RPA3: variants seen among roughly 807,000 people sequenced by gnomAD.
RPA3 encodes replication protein A 14 kDa subunit.
Under a neutral mutation model 13.7 loss-of-function variants are expected in RPA3, and 24 were observed. The observed-to-expected ratio is 1.75, with a 90% CI of 1.27 to 2.46. The LOEUF is 2.46. Ranked by LOEUF, RPA3 falls within the 30% of genes most tolerant of loss-of-function variation. The probability of loss-of-function intolerance (pLI) is 0.00; values close to 1 mark genes in which losing one functional copy is unlikely to be tolerated. For synonymous variants in RPA3, 59 were observed against 51.2 expected (o/e 1.15, Z -0.65); for missense variants, 183 against 151.0 (o/e 1.21, Z -1.11).
chr7:7,666,474 CT>C (rs1163756355), intron 4 of RPA3, among the ~76,000 whole-genome samples: 1 of 151,992 alleles, frequency 6.6e-6, no homozygotes. Flanking sequence ...TCCCAAAGTA[CT>C]GGAATTACAG....
At chr7:7,698,982 G>C (rs1366963182) in intron 2 of RPA3, among the ~76,000 whole-genome samples, 2 of 149,294 alleles carry the variant, frequency 1.3e-5, no homozygotes, top group African/African-American at 5.0e-5. Flanking sequence ...AGCCCCCCAA[G>C]TATCTGGGAC....
chr7:7,662,504 A>G (rs1479487001), intron 4 of RPA3, among the ~76,000 whole-genome samples: 2 of 152,198 alleles, frequency 1.3e-5, no homozygotes, highest in African/African-American at 4.8e-5. Flanking sequence ...AAAGCGTAGT[A>G]TCCGGACCGG....
chr7:7,640,622 G>A lies in RPA3; in HGVS notation c.-204C>T. Reference sequence around the variant, plus strand: ...AAGGGGCTGGATGAGTCCGGAAGTGGAGATTGGCTGCTTAGTGACGCGCGG... The same window carrying A: ...AAGGGGCTGGATGAGTCCGGAAGTGAAGATTGGCTGCTTAGTGACGCGCGG... On this transcript the variant is annotated 5_prime_UTR_variant, in exon 5 of 8. Coordinates refer to ENST00000223129, the MANE Select transcript of RPA3 (RefSeq NM_002947.5). 1 of 574,358 alleles carries A rather than the reference G, an allele frequency of 1.7e-6. No homozygotes were observed. Among genetic ancestry groups the A allele is most frequent in the South Asian group, 2.1e-5 (1 of 47,108 alleles). 35.6% of individuals were successfully genotyped at this position (574,358 alleles called of 1,614,324 possible).
At chr7:7,683,945 T>C (rs543861762) in intron 4 of RPA3, among the ~76,000 whole-genome samples, 66 of 152,292 alleles carry the variant, frequency 4.3e-4, no homozygotes, top group Non-Finnish European at 9.1e-4. Context: ...CTATGAGTAA[T>C]ATACAGTTTT....
intron 4 of RPA3, among the ~76,000 whole-genome samples, chr7:7,675,182 A>G (rs961012797): frequency 1.3e-5 from 2 of 152,154 alleles, no homozygotes; most frequent in African/African-American, 4.8e-5. Context: ...TGTTGTCTTT[A>G]TGATTAGAAA....
chr7:7,676,147 C>G (rs949527359), intron 4 of RPA3: 1 of 398,514 alleles, frequency 2.5e-6, no homozygotes, highest in African/African-American at 2.1e-5. Flanking sequence ...AAAGTGCTGA[C>G]CCTGGGTCAG....
intron 4 of RPA3, among the ~76,000 whole-genome samples, chr7:7,655,713 G>A (rs1403551340): frequency 1.3e-5 from 2 of 152,148 alleles, no homozygotes; most frequent in Non-Finnish European, 2.9e-5. Context: ...TTTAGGGGAC[G>A]AATGAAAAGA....
At chr7:7,703,046 A>C (rs1780502220) in intron 2 of RPA3, among the ~76,000 whole-genome samples, 1 of 152,222 alleles carries the variant, frequency 6.6e-6, no homozygotes, top group Non-Finnish European at 1.5e-5. Flanking sequence ...CTAGTCTTCT[A>C]GTTAGTACTA....
At chr7:7,704,761 C>A (rs2115160339) in intron 2 of RPA3, among the ~76,000 whole-genome samples, 1 of 76,394 alleles carries the variant, frequency 1.3e-5, no homozygotes, top group Non-Finnish European at 2.3e-5. Context: ...AGCGAGACTC[C>A]ATCTCAAAAA....
chr7:7,655,623 G>A (rs1317079176), intron 4 of RPA3, among the ~76,000 whole-genome samples: 1 of 152,014 alleles, frequency 6.6e-6, no homozygotes, highest in Admixed American at 6.5e-5. Flanking sequence ...CATCTATAAG[G>A]TTATATTAGA....
intron 4 of RPA3, among the ~76,000 whole-genome samples, chr7:7,660,293 C>G (rs1052508407): frequency 6.6e-6 from 1 of 152,128 alleles, no homozygotes; most frequent in Non-Finnish European, 1.5e-5. Context: ...GGCATTTAGC[C>G]CATTTACATT....
intron 2 of RPA3, among the ~76,000 whole-genome samples, chr7:7,707,983 G>A (rs1438757869): frequency 6.6e-6 from 1 of 152,146 alleles, no homozygotes; most frequent in Non-Finnish European, 1.5e-5. Flanking sequence ...TCCTTTAGTT[G>A]TCACTTTTTT....
At position 7,637,860 on chromosome 7, in the gene RPA3, T is replaced by C; in HGVS notation, c.283+4A>G. 1 of 1,609,060 alleles carries C rather than the reference T, an allele frequency of 6.2e-7. No individual in the cohort carries two copies. The highest frequency in any genetic ancestry group is 8.5e-7 in the Non-Finnish European group (1 of 1,176,206). The stretch of plus-strand genomic sequence containing the variant: ...ACCAGTCAATACTAGAATGCTTTAT[T>C]TACCAAAAGGATGGCTATCTTCTTT... On this transcript the variant is annotated splice_donor_region_variant and intron_variant, in intron 7 of 7. Transcript: ENST00000223129.
chr7:7,715,153 C>T (rs886116440), intron 2 of RPA3, 22 bp downstream of exon 2: 2 of 152,068 alleles, frequency 1.3e-5, no homozygotes, highest in Non-Finnish European at 1.5e-5. Context: ...AGCATAGAAA[C>T]AGTTAAAGAA....
intron 4 of RPA3, among the ~76,000 whole-genome samples, chr7:7,683,680 T>C (rs1227058253): frequency 1.3e-5 from 2 of 152,062 alleles, no homozygotes; most frequent in Non-Finnish European, 2.9e-5. Context: ...TGGAGTGCAG[T>C]GGCATGGTCT....
At chr7:7,658,257 C>G (rs1027742892) in intron 4 of RPA3, among the ~76,000 whole-genome samples, 9 of 152,228 alleles carry the variant, frequency 5.9e-5, no homozygotes, top group Non-Finnish European at 8.8e-5. Context: ...CATCTGCAAA[C>G]AGAGACAATT....
chr7:7,673,346 C>T (rs1779655919), intron 4 of RPA3: 1 of 1,273,302 alleles, frequency 7.9e-7, no homozygotes, highest in Admixed American at 2.0e-5. Flanking sequence ...GCAGCAGCAG[C>T]AGCAGCAGCA....
chr7:7,666,159 C>T (rs1301862394), intron 4 of RPA3, among the ~76,000 whole-genome samples: 1 of 151,562 alleles, frequency 6.6e-6, no homozygotes, highest in Non-Finnish European at 1.5e-5. Context: ...TATCTTTGCC[C>T]TTTGCCAACA....
At chr7:7,682,177 C>A (rs1189644353) in intron 4 of RPA3, among the ~76,000 whole-genome samples, 1 of 152,134 alleles carries the variant, frequency 6.6e-6, no homozygotes, top group Non-Finnish European at 1.5e-5. Flanking sequence ...ATAAGAACTT[C>A]TAGTTTCCAT....
Sources: allele counts gnomAD v4.1 joint callset (sites outside exome capture counted in the v4.1 genomes callset), GRCh38; gene constraint gnomAD v4.1.1; transcripts MANE v1.5; gene names NCBI Gene and HGNC (gene_info 2026-07-23, HGNC 2026-07-21).